CNKSR3: variants seen among roughly 807,000 people sequenced by gnomAD.
CNKSR3 encodes CNKSR family member 3.
CNKSR3 carries 36 observed loss-of-function variants against 67.7 expected under a neutral mutation model. The ratio of observed to expected loss-of-function variants is 0.53; its 90% confidence interval spans 0.41 to 0.70. The LOEUF is 0.70. Among genes scored for constraint, CNKSR3 ranks in the 30% least tolerant of loss-of-function variants. The probability of loss-of-function intolerance (pLI) is 0.00; values close to 1 mark genes in which losing one functional copy is unlikely to be tolerated. For missense variants in CNKSR3, 630 were observed against 695.2 expected (o/e 0.91, Z 1.05); for synonymous variants, 281 against 271.4 (o/e 1.04, Z -0.35).
intron 1 of CNKSR3, among the ~76,000 whole-genome samples, chr6:154,500,288 C>CACAT (rs1491572563): frequency 6.6e-6 from 1 of 151,162 alleles, no homozygotes; most frequent in African/African-American, 2.4e-5. Flanking sequence ...CACACACACA[C>CACAT]ATCCACTCCC....
At position 154,474,448 on chromosome 6, in the gene CNKSR3, CT is replaced by C. The variant is rs1425096101; in HGVS notation, c.53-24191del. 5.3e-5 allele frequency among the ~76,000 whole-genome samples: 8 copies of C among 151,528 alleles called. No individual in the cohort carries two copies. The East Asian group carries it at 1.6e-3, about 29-fold the overall frequency. The stretch of plus-strand genomic sequence containing the variant: ...AAGTGGGGGGGGGCAATATAAAGTC[CT>C]TCAACATACCCAGCACACATCAATA... On this transcript the variant is annotated intron_variant, in intron 1 of 12. Coordinates refer to ENST00000607772, the MANE Select transcript of CNKSR3 (RefSeq NM_173515.4).
chr6:154,431,220 G>C (rs765078004), intron 5 of CNKSR3, among the ~76,000 whole-genome samples: 10 of 151,848 alleles, frequency 6.6e-5, no homozygotes, highest in African/African-American at 9.7e-5. Context: ...GAGGTAGGGG[G>C]ATCACCTGAA....
At chr6:154,420,386 T>C (rs1370712173) in intron 9 of CNKSR3, among the ~76,000 whole-genome samples, 2 of 152,056 alleles carry the variant, frequency 1.3e-5, no homozygotes, top group African/African-American at 2.4e-5. Context: ...ACAGTGACTA[T>C]AGTTAATAAA....
At chr6:154,407,888 A>C (rs969126444) in intron 12 of CNKSR3, among the ~76,000 whole-genome samples, 3 of 151,278 alleles carry the variant, frequency 2.0e-5, no homozygotes, top group Non-Finnish European at 4.4e-5. Flanking sequence ...AAAAAAAAAA[A>C]AAAAAAACCT....
Position 154,414,386 on chromosome 6 carries a change from C to A in CNKSR3, c.983G>T (p.Ser328Ile). The part of the protein sequence containing the change: ...PPPATTQSPE[S>I]TMDTSLKKEK... ...CTTCTTCAGTGAGGTATCCATAGTG[C>A]TTTCAGGGGACTGGGTTGTCGCGGG... The change falls in exon 10 of 13, where the codon AGC becomes ATC. Residue 328 changes from serine (S) to isoleucine (I), a missense_variant. Ser to Ile is a moderately radical substitution (Grantham distance 142). Around this residue, in one of 3 missense-constraint regions of CNKSR3, gnomAD observed 308 missense variants for 299.6 expected, o/e 1.03. Transcript: ENST00000607772. 6.2e-7 allele frequency: 1 copy of A among 1,608,594 alleles called. No homozygotes were observed. The highest frequency in any genetic ancestry group is 8.5e-7 in the Non-Finnish European group (1 of 1,178,410).
At position 154,398,382 on chromosome 6, in the gene CNKSR3, T is replaced by G. The variant is rs1784683093; in HGVS notation, c.*7972A>C. ...TGTTATGCTGAGCCGAACAACCATT[T>G]TTTACTTCCCTTTGTCTCTCCCATA... On this transcript the variant is annotated 3_prime_UTR_variant, in exon 13 of 13. Transcript: ENST00000607772. 6.6e-6 allele frequency: 1 copy of G among 152,200 alleles called. No individual in the cohort carries two copies. Among genetic ancestry groups the G allele is most frequent in the Admixed American group, 6.5e-5 (1 of 15,280 alleles). The allele number at this position is 152,200 out of a possible 1,614,324, so 9.4% of individuals were successfully genotyped here. A position where few individuals can be genotyped will look rare whatever the true frequency, so the allele number is the denominator to read the frequency against.
At chr6:154,441,111 G>T (rs1181821026) in intron 4 of CNKSR3, among the ~76,000 whole-genome samples, 181 bp downstream of exon 4, 1 of 151,846 alleles carries the variant, frequency 6.6e-6, no homozygotes, top group African/African-American at 2.4e-5. Flanking sequence ...AGTTTTCAGA[G>T]AAACCATCTT....
chr6:154,499,076 G>A (rs1009456844), intron 1 of CNKSR3, among the ~76,000 whole-genome samples: 4 of 152,194 alleles, frequency 2.6e-5, no homozygotes, highest in African/African-American at 9.6e-5. Context: ...CAGGACGGAA[G>A]GATGCCCTGG....
At chr6:154,425,616 C>T (rs1166738072) in intron 7 of CNKSR3, among the ~76,000 whole-genome samples, 2 of 152,182 alleles carry the variant, frequency 1.3e-5, no homozygotes, top group African/African-American at 4.8e-5. Context: ...GAGGCTGTGT[C>T]AAGACTCTTG....
At position 154,440,143 on chromosome 6, in the gene CNKSR3, C is replaced by T. The variant is rs185339795; in HGVS notation, c.507+1149G>A. On this transcript the variant is annotated intron_variant, in intron 4 of 12. Transcript: ENST00000607772. ...CTGAGCACCTTTCTAAGATCATGAC[C>T]TCAAAACTCCATGTGCCTTGAGAAC... 2.6e-5 allele frequency among the ~76,000 whole-genome samples: 4 copies of T among 152,286 alleles called. No individual in the cohort carries two copies. The East Asian group carries it at 7.7e-4, about 29-fold the overall frequency.
At position 154,401,333 on chromosome 6, in the gene CNKSR3, G is replaced by A. The variant is rs1356949171; in HGVS notation, c.*5021C>T. 6.6e-6 allele frequency: 1 copy of A among 152,228 alleles called. No individual in the cohort carries two copies. Among genetic ancestry groups the A allele is most frequent in the Non-Finnish European group, 1.5e-5 (1 of 68,072 alleles). 9.4% of individuals were successfully genotyped at this position (152,228 alleles called of 1,614,324 possible). Reference sequence around the variant, plus strand: ...ATTAGCGCCCTCACAAGAAGGGAAAGGAGAGCTTGCTTGCTTCCTTTCTCT... The same window carrying A: ...ATTAGCGCCCTCACAAGAAGGGAAAAGAGAGCTTGCTTGCTTCCTTTCTCT... On this transcript the variant is annotated 3_prime_UTR_variant, in exon 13 of 13. Transcript: ENST00000607772.
In CNKSR3 at chr6:154,397,211, C is replaced by T. The variant is rs1784670427; in HGVS notation, c.*9143G>A. 6.6e-6 allele frequency: 1 copy of T among 152,172 alleles called. No individual in the cohort carries two copies. Among genetic ancestry groups the T allele is most frequent in the Non-Finnish European group, 1.5e-5 (1 of 68,022 alleles). 9.4% of individuals were successfully genotyped at this position (152,172 alleles called of 1,614,324 possible). ...ATTCAATAAGACTATAGGATAAAGG[C>T]ACCATTAAAGGTGCTTCAGTGGCAT... On this transcript the variant is annotated 3_prime_UTR_variant, in exon 13 of 13. Transcript: ENST00000607772.
Position 154,402,360 on chromosome 6 carries a change from A to G in CNKSR3, c.*3994T>C, listed in dbSNP as rs1412336047. The G allele has an allele frequency of 6.6e-6, 1 of 152,218 alleles. No individual in the cohort carries two copies. Among genetic ancestry groups the G allele is most frequent in the Non-Finnish European group, 1.5e-5 (1 of 68,044 alleles). The allele number at this position is 152,218 out of a possible 1,614,324, so 9.4% of individuals were successfully genotyped here. On this transcript the variant is annotated 3_prime_UTR_variant, in exon 13 of 13. Coordinates refer to ENST00000607772, the MANE Select transcript of CNKSR3 (RefSeq NM_173515.4). ...GAACTCAGTTTACAATAACAAATCT[A>G]TGATCTCATTTCATTTTATATATAA...
Position 154,414,395 on chromosome 6 carries a change from G to C in CNKSR3, c.974C>G (p.Ser325Cys), listed in dbSNP as rs141020573. The C allele has an allele frequency of 1.9e-4, 306 of 1,605,432 alleles. No individual in the cohort carries two copies. The African/African-American group carries it at 3.9e-3, about 20-fold the overall frequency. ...TGAGGTATCCATAGTGCTTTCAGGG[G>C]ACTGGGTTGTCGCGGGTGGAGGTGA... ...QTSPPPATTQ[S>C]PESTMDTSLK... The change falls in exon 10 of 13, where the codon TCC (serine) becomes TGC (cysteine). Residue 325 changes from serine (S) to cysteine (C), a missense_variant. Around this residue, in one of 3 missense-constraint regions of CNKSR3, gnomAD observed 308 missense variants for 299.6 expected, o/e 1.03. Transcript: ENST00000607772.
intron 1 of CNKSR3, among the ~76,000 whole-genome samples, chr6:154,472,244 G>A (rs1582887677): frequency 1.3e-5 from 2 of 152,042 alleles, no homozygotes; most frequent in African/African-American, 2.4e-5. Flanking sequence ...CCCAACACAC[G>A]TACTATTTAT....
At position 154,402,076 on chromosome 6, in the gene CNKSR3, G is replaced by A. The variant is rs1784722488; in HGVS notation, c.*4278C>T. The A allele has an allele frequency of 6.6e-6, 1 of 152,128 alleles. No individual in the cohort carries two copies. Among genetic ancestry groups the A allele is most frequent in the African/African-American group, 2.4e-5 (1 of 41,428 alleles). The allele number at this position is 152,128 out of a possible 1,614,324, so 9.4% of individuals were successfully genotyped here. On this transcript the variant is annotated 3_prime_UTR_variant, in exon 13 of 13. Transcript: ENST00000607772. Reference sequence around the variant, plus strand: ...TAGGAAATGGACAAATATATAGACTGAAATACTACTTAAGGAGGATACAGG... The same window carrying A: ...TAGGAAATGGACAAATATATAGACTAAAATACTACTTAAGGAGGATACAGG...
At chr6:154,474,552 C>T (rs570213528) in intron 1 of CNKSR3, among the ~76,000 whole-genome samples, 4 of 152,122 alleles carry the variant, frequency 2.6e-5, no homozygotes, top group South Asian at 2.1e-4. Context: ...AGTAAAGGAC[C>T]GTGGAAGGAT....
At chr6:154,435,759 C>G (rs1208871472) in intron 4 of CNKSR3, among the ~76,000 whole-genome samples, 14 of 152,254 alleles carry the variant, frequency 9.2e-5, no homozygotes, top group Non-Finnish European at 1.6e-4. Flanking sequence ...AGAGGCCCAG[C>G]CTGGGTGGCA....
At chr6:154,432,370 T>C (rs924553103) in intron 5 of CNKSR3, among the ~76,000 whole-genome samples, 1 of 152,246 alleles carries the variant, frequency 6.6e-6, no homozygotes, top group Admixed American at 6.5e-5. Flanking sequence ...CTTCTTATTC[T>C]TGTTTTTTGT....
Sources: allele counts gnomAD v4.1 joint callset (sites outside exome capture counted in the v4.1 genomes callset), GRCh38; gene constraint gnomAD v4.1.1; regional missense constraint gnomAD v4.1.1; transcripts MANE v1.5; gene names NCBI Gene and HGNC (gene_info 2026-07-23, HGNC 2026-07-21).